Variants in FAF1 observed in about 807,000 individuals in gnomAD.
FAF1 encodes FAS-associated factor 1.
In FAF1, 25 loss-of-function variants were observed where a neutral mutation model predicts 92.5. That is an observed-to-expected ratio of 0.27 (90% CI 0.20 to 0.38). The LOEUF (loss-of-function observed/expected upper bound fraction) is 0.38, where lower values mean the gene tolerates loss of function less well. FAF1 is among the 10% of genes least tolerant of loss of function. The pLI is 1.00. For missense variants in FAF1, 636 were observed against 793.3 expected (o/e 0.80, Z 2.38); for synonymous variants, 234 against 273.2 (o/e 0.86, Z 1.42).
chr1:50,455,136 C>T (rs1572752644), intron 18 of FAF1, among the ~76,000 whole-genome samples: 1 of 152,192 alleles, frequency 6.6e-6, no homozygotes, highest in Non-Finnish European at 1.5e-5. Flanking sequence ...AGCTCTCTGG[C>T]TCTAGCTTCT....
chr1:50,462,810 C>T (rs1646449110), intron 18 of FAF1, among the ~76,000 whole-genome samples: 1 of 152,142 alleles, frequency 6.6e-6, no homozygotes, highest in Non-Finnish European at 1.5e-5. Context: ...TGCTACAGGA[C>T]TAAGTTATGT....
At chr1:50,514,346 A>T (rs1647179232) in intron 15 of FAF1, among the ~76,000 whole-genome samples, 1 of 152,234 alleles carries the variant, frequency 6.6e-6, no homozygotes, top group South Asian at 2.1e-4. Context: ...ATACATCTGC[A>T]TTATAAGTTC....
In FAF1 at chr1:50,472,422, CAA is replaced by C. The variant is rs1491565796; in HGVS notation, c.1869+3040_1869+3041del. ...ACACACACACACACACACACACACA[CAA>C]ACCCCAAAACCAAGTAACTCAATGC... On this transcript the variant is annotated intron_variant, in intron 18 of 18. Coordinates refer to ENST00000396153, the MANE Select transcript of FAF1 (RefSeq NM_007051.3). Among the ~76,000 whole-genome samples, 332 of 131,394 alleles carry C rather than the reference CAA, an allele frequency of 2.5e-3. 1 individual carries two copies. The highest frequency in any genetic ancestry group is 2.9e-3 in the Non-Finnish European group (170 of 59,232). The allele number at this position is 131,394 out of a possible 152,430, so 86.2% of individuals were successfully genotyped here.
chr1:50,724,296 T>TACACACAC (rs974347882), intron 6 of FAF1, among the ~76,000 whole-genome samples: 34 of 117,214 alleles, frequency 2.9e-4, no homozygotes, highest in East Asian at 2.4e-3. Context: ...CACACACACA[T>TACACACAC]ACACACACAC....
chr1:50,717,035 G>A (rs927804954), intron 6 of FAF1, among the ~76,000 whole-genome samples: 4 of 152,136 alleles, frequency 2.6e-5, no homozygotes, highest in Non-Finnish European at 2.9e-5. Flanking sequence ...AAGAAATTCC[G>A]TACACATCTG....
intron 6 of FAF1, among the ~76,000 whole-genome samples, chr1:50,710,839 T>C (rs1386227937): frequency 1.3e-5 from 2 of 151,806 alleles, no homozygotes; most frequent in African/African-American, 4.8e-5. Context: ...CCTGACCTCG[T>C]GATCCGCCCA....
In FAF1 at chr1:50,598,488, C is replaced by T. The variant is rs529586241; in HGVS notation, c.745-2272G>A. The stretch of plus-strand genomic sequence containing the variant: ...AAAAAAAAAAAAAAAAAAAAAAAGG[C>T]TAAGTTTTCTGTTCTGTAAAATTAA... On this transcript the variant is annotated intron_variant, in intron 8 of 18. Coordinates refer to ENST00000396153, the MANE Select transcript of FAF1 (RefSeq NM_007051.3). Among the ~76,000 whole-genome samples, 75 of 140,904 alleles carry T rather than the reference C, an allele frequency of 5.3e-4. 1 individual carries two copies. Among genetic ancestry groups the T allele is most frequent in the African/African-American group, 1.9e-3 (74 of 38,382 alleles). 92.4% of individuals were successfully genotyped at this position (140,904 alleles called of 152,430 possible).
intron 12 of FAF1, among the ~76,000 whole-genome samples, chr1:50,582,240 A>T (rs753935124): frequency 2.0e-5 from 3 of 150,424 alleles, no homozygotes; most frequent in African/African-American, 7.3e-5. Context: ...TTTCCCATTT[A>T]AAAAAAAACC....
intron 18 of FAF1, among the ~76,000 whole-genome samples, chr1:50,465,826 AT>A (rs1306929620): frequency 2.0e-5 from 3 of 152,204 alleles, no homozygotes; most frequent in Non-Finnish European, 1.5e-5. Context: ...GAGGAAGACT[AT>A]TTCAGTAGAA....
rs147714841 is a variant in FAF1 at position 50,488,932 on chromosome 1, A to G, written c.1653+1656T>C. Among the ~76,000 whole-genome samples the G allele has an allele frequency of 4.0e-3, 603 of 152,340 alleles. 9 individuals carry two copies. The highest frequency in any genetic ancestry group is 0.013 in the African/African-American group (558 of 41,572). On this transcript the variant is annotated intron_variant, in intron 17 of 18. Transcript: ENST00000396153. ...CAGACTAGGGTTTGTCAGGCATAAT[A>G]TCTTGTATATATGTGATAGATACTC...
chr1:50,881,117 G>A (rs1644608543), intron 1 of FAF1, among the ~76,000 whole-genome samples: 1 of 152,154 alleles, frequency 6.6e-6, no homozygotes, highest in South Asian at 2.1e-4. Context: ...TAGCTAGTAT[G>A]AGAATCACTG....
intron 15 of FAF1, among the ~76,000 whole-genome samples, chr1:50,527,973 C>G (rs946033241): frequency 6.6e-6 from 1 of 151,780 alleles, no homozygotes; most frequent in South Asian, 2.1e-4. Context: ...TGAGCTTAAG[C>G]AATTCTCCCA....
intron 8 of FAF1, among the ~76,000 whole-genome samples, chr1:50,605,618 C>T (rs1305771587): frequency 6.6e-6 from 1 of 151,824 alleles, no homozygotes; most frequent in Admixed American, 6.6e-5. Flanking sequence ...TAAAATAGCC[C>T]TTCTTTCACA....
At chr1:50,557,343 T>C (rs1649637903) in intron 13 of FAF1, among the ~76,000 whole-genome samples, 1 of 152,196 alleles carries the variant, frequency 6.6e-6, no homozygotes, top group African/African-American at 2.4e-5. Flanking sequence ...GTTAACTCTG[T>C]TTTGAATAAT....
At chr1:50,493,801 G>T (rs538522132) in intron 15 of FAF1, among the ~76,000 whole-genome samples, 1 of 152,264 alleles carries the variant, frequency 6.6e-6, no homozygotes, top group South Asian at 2.1e-4. Flanking sequence ...CCACAAAATG[G>T]CTGGCCCAAT....
intron 6 of FAF1, 166 bp from the exon 7 acceptor site, chr1:50,706,057 C>T: frequency 1.9e-6 from 1 of 540,308 alleles, no homozygotes; most frequent in Non-Finnish European, 3.3e-6. Flanking sequence ...ACACTGAGAA[C>T]AACCAAGGGG....
chr1:50,737,591 A>G (rs926343771), intron 6 of FAF1, among the ~76,000 whole-genome samples: 14 of 152,204 alleles, frequency 9.2e-5, no homozygotes, highest in African/African-American at 3.4e-4. Flanking sequence ...ACTGTGTGCA[A>G]ATTCCACTTC....
At position 50,710,891 on chromosome 1, in the gene FAF1, C is replaced by T. The variant is rs1288089939; in HGVS notation, c.552-5000G>A. ...TGCTGGGATTATAGGCATGAGCCAC[C>T]GAGCCCGGCCAAGTGGCATTTGTTT... On this transcript the variant is annotated intron_variant, in intron 6 of 18. Transcript: ENST00000396153. 2.0e-5 allele frequency among the ~76,000 whole-genome samples: 3 copies of T among 150,032 alleles called. No homozygotes were observed. The East Asian group carries it at 5.8e-4, about 29-fold the overall frequency.
At chr1:50,932,600 G>A (rs1645057461) in intron 1 of FAF1, among the ~76,000 whole-genome samples, 1 of 152,184 alleles carries the variant, frequency 6.6e-6, no homozygotes, top group Non-Finnish European at 1.5e-5. Flanking sequence ...TCACAGGCTG[G>A]CACTGAGTGT....
Sources: gnomAD v4.1 joint callset for allele counts (sites outside exome capture counted in the v4.1 genomes callset) on GRCh38, gnomAD v4.1.1 for gene constraint, MANE v1.5 for transcripts, NCBI Gene and HGNC (gene_info 2026-07-23, HGNC 2026-07-21) for gene names.